The following HTR1F variants were observed in gnomAD, a reference collection of about 807,000 sequenced individuals.
HTR1F encodes the protein 5-hydroxytryptamine receptor 1F, also known as 5-hydroxytryptamine (serotonin) receptor 1F, G protein-coupled.
A neutral mutation model predicts 24.0 loss-of-function variants in HTR1F; 17 were observed. The ratio of observed to expected loss-of-function variants is 0.71; its 90% CI spans 0.48 to 1.06. The LOEUF is 1.06. HTR1F is among the 50% of genes least tolerant of loss of function. The pLI is 0.00. For missense variants in HTR1F, 391 were observed against 427.8 expected, an observed-to-expected ratio of 0.91 and a Z score of 0.76; for synonymous variants, 186 against 156.8, an observed-to-expected ratio of 1.19 and a Z score of -1.39.
chr3:87,963,146 T>C (rs548806707), intron 2 of HTR1F, among the ~76,000 whole-genome samples: 3 of 152,116 alleles, frequency 2.0e-5, no homozygotes, highest in Non-Finnish European at 2.9e-5. Flanking sequence ...AACCTTCTGG[T>C]CAAATAAATC....
At chr3:87,910,122 T>C (rs1270830619) in intron 2 of HTR1F, 4 of 152,002 alleles carry the variant, frequency 2.6e-5, no homozygotes, top group Non-Finnish European at 4.4e-5. Context: ...CATATTGATA[T>C]TACTCTCCTA....
chr3:87,936,996 C>G (rs1335414746), intron 2 of HTR1F, among the ~76,000 whole-genome samples: 2 of 143,892 alleles, frequency 1.4e-5, no homozygotes, highest in Non-Finnish European at 3.0e-5. Context: ...GCCTACCAAC[C>G]AAAAAAATCC....
intron 2 of HTR1F, among the ~76,000 whole-genome samples, chr3:87,886,605 C>G (rs866787277): frequency 5.3e-5 from 8 of 152,208 alleles, no homozygotes; most frequent in Middle Eastern, 3.4e-3. Flanking sequence ...TCGTCTCAGC[C>G]CAAAAACTCC....
intron 2 of HTR1F, among the ~76,000 whole-genome samples, chr3:87,848,148 C>G (rs964415034): frequency 1.3e-5 from 2 of 151,792 alleles, no homozygotes; most frequent in Non-Finnish European, 2.9e-5. Context: ...TGTATGAGTT[C>G]CCTTTTCAGC....
intron 2 of HTR1F, among the ~76,000 whole-genome samples, chr3:87,924,929 T>C (rs1704089130): frequency 1.3e-5 from 2 of 152,174 alleles, no homozygotes. Flanking sequence ...ACTTAGGAAA[T>C]TTTCAGCTAT....
chr3:87,832,899 T>A (rs1319549958), intron 2 of HTR1F, among the ~76,000 whole-genome samples: 1 of 152,220 alleles, frequency 6.6e-6, no homozygotes, highest in Non-Finnish European at 1.5e-5. Flanking sequence ...AGAAAATATT[T>A]GCCAAGTTTT....
At chr3:87,859,476 G>T (rs150610887) in intron 2 of HTR1F, among the ~76,000 whole-genome samples, 1 of 152,296 alleles carries the variant, frequency 6.6e-6, no homozygotes, top group African/African-American at 2.4e-5. Context: ...AGCAAATTTT[G>T]TAGGAACGAT....
chr3:87,911,063 A>G (rs1439058516), intron 2 of HTR1F, among the ~76,000 whole-genome samples: 2 of 152,100 alleles, frequency 1.3e-5, no homozygotes, highest in Non-Finnish European at 2.9e-5. Context: ...GACTAAAAGA[A>G]CTAGAGAAGC....
chr3:87,991,674 T>G lies in HTR1F; in HGVS notation c.925T>G (p.Phe309Val). ...LGAFVICWLP[F>V]FVKELVVNVC... is the part of the protein sequence containing the mutation. Reference sequence around the variant, plus strand: ...TGCATTTGTAATATGTTGGCTTCCTTTTTTTGTAAAAGAATTAGTTGTTAA... The same window carrying G: ...TGCATTTGTAATATGTTGGCTTCCTGTTTTTGTAAAAGAATTAGTTGTTAA... Residue 309 changes from phenylalanine (F) to valine (V), a missense_variant, in exon 3 of 3, where the codon TTT becomes GTT. Physicochemically the swap from Phe to Val is conservative, Grantham distance 50. Coordinates refer to ENST00000319595, the MANE Select transcript of HTR1F (RefSeq NM_001322209.2). 6.2e-7 allele frequency: 1 copy of G among 1,613,416 alleles called. No individual in the cohort carries two copies. The highest frequency in any genetic ancestry group is 8.5e-7 in the Non-Finnish European group (1 of 1,179,764).
chr3:87,848,675 T>A (rs1705005300), intron 2 of HTR1F, among the ~76,000 whole-genome samples: 1 of 151,856 alleles, frequency 6.6e-6, no homozygotes. Context: ...TTGTCCCTGT[T>A]TGCAGATGAC....
chr3:87,868,327 A>AT (rs773166813), intron 2 of HTR1F, among the ~76,000 whole-genome samples: 55 of 151,996 alleles, frequency 3.6e-4, no homozygotes, highest in African/African-American at 9.6e-4. Context: ...AGATTATGTG[A>AT]TTTTTTTCTC....
chr3:87,916,883 G>T (rs773006017), intron 2 of HTR1F, among the ~76,000 whole-genome samples: 3 of 152,036 alleles, frequency 2.0e-5, no homozygotes, highest in Non-Finnish European at 4.4e-5. Flanking sequence ...TATATGCAGA[G>T]CATTCCATCC....
rs541404947 is a variant in HTR1F, at chr3:87,964,278, C to T, written c.-42-26430C>T. ...ATTATTTCCTTCTGGGTATACATGA[C>T]GCCAAAGTAAATCACTCCTACAGCT... is the stretch of plus-strand genomic sequence containing the variant. On this transcript the variant is annotated intron_variant, in intron 2 of 2. Coordinates refer to ENST00000319595, the MANE Select transcript of HTR1F (RefSeq NM_001322209.2). Among the ~76,000 whole-genome samples the T allele has an allele frequency of 1.2e-4, 19 of 152,206 alleles. No individual in the cohort carries two copies. In the South Asian group the frequency reaches 3.1e-3, roughly 25 times the overall value.
At chr3:87,919,875 C>T (rs1030511295) in intron 2 of HTR1F, among the ~76,000 whole-genome samples, 39 of 151,794 alleles carry the variant, frequency 2.6e-4, no homozygotes, top group Non-Finnish European at 4.7e-4. Flanking sequence ...TGGGTATCTA[C>T]CCATAGGAAA....
chr3:87,978,388 G>C (rs141723371), intron 2 of HTR1F, among the ~76,000 whole-genome samples: 1 of 152,266 alleles, frequency 6.6e-6, no homozygotes, highest in East Asian at 1.9e-4. Context: ...TGAGTTCTTG[G>C]AAGTTCAGGA....
At chr3:87,876,209 T>C (rs1289866365) in intron 2 of HTR1F, among the ~76,000 whole-genome samples, 1 of 152,060 alleles carries the variant, frequency 6.6e-6, no homozygotes, top group Non-Finnish European at 1.5e-5. Flanking sequence ...CCTCAAAAAA[T>C]TAAAAATAGA....
intron 2 of HTR1F, among the ~76,000 whole-genome samples, chr3:87,885,520 C>CA (rs1267448429): frequency 2.6e-5 from 4 of 151,896 alleles, no homozygotes; most frequent in African/African-American, 9.7e-5. Flanking sequence ...GATAGAGACA[C>CA]AAAAAACCCT....
intron 2 of HTR1F, among the ~76,000 whole-genome samples, chr3:87,866,782 A>G (rs1470603942): frequency 6.6e-6 from 1 of 150,914 alleles, no homozygotes; most frequent in Non-Finnish European, 1.5e-5. Context: ...TTCGGGTTAG[A>G]ATTTATTAGA....
chr3:87,900,365 C>G (rs1229124054), intron 2 of HTR1F, among the ~76,000 whole-genome samples: 1 of 152,134 alleles, frequency 6.6e-6, no homozygotes, highest in Non-Finnish European at 1.5e-5. Context: ...GCCCATGTAG[C>G]TGGAGCTGAG....
Sources: allele counts gnomAD v4.1 joint callset (sites outside exome capture counted in the v4.1 genomes callset), GRCh38; gene constraint gnomAD v4.1.1; transcripts MANE v1.5; gene names NCBI Gene and HGNC (gene_info 2026-07-23, HGNC 2026-07-21).